The following MAML3 variants were observed in gnomAD, a reference collection of about 807,000 sequenced individuals.
The protein encoded by MAML3 is mastermind-like protein 3.
Under a neutral mutation model 101.9 loss-of-function variants are expected in MAML3, and 27 were observed. That is an observed-to-expected ratio of 0.27 (90% CI 0.20 to 0.37). MAML3 has a LOEUF of 0.37. MAML3 is among the 10% of genes least tolerant of loss of function. MAML3 has a pLI of 1.00. For missense variants in MAML3, 1,316 were observed against 1,444.9 expected (o/e 0.91, Z 1.45); for synonymous variants, 501 against 555.9 (o/e 0.90, Z 1.39).
intron 1 of MAML3, among the ~76,000 whole-genome samples, chr4:139,949,819 A>C (rs183268727): frequency 1.5e-3 from 236 of 152,288 alleles, no homozygotes; most frequent in Non-Finnish European, 2.5e-3. Flanking sequence ...ATACCAATAT[A>C]GATGTTGCTA....
At chr4:140,027,025 G>C (rs1726837084) in intron 1 of MAML3, among the ~76,000 whole-genome samples, 2 of 150,862 alleles carry the variant, frequency 1.3e-5, no homozygotes, top group Non-Finnish European at 2.9e-5. Flanking sequence ...GTACCTAGTA[G>C]TTTACCTTAA....
Position 140,036,649 on chromosome 4 carries a change from C to T in MAML3, c.468+116211G>A, listed in dbSNP as rs561133959. On this transcript the variant is annotated intron_variant, in intron 1 of 4. Coordinates refer to ENST00000509479, the MANE Select transcript of MAML3 (RefSeq NM_018717.5). ...AGAAGAACAGCTGCCTATTTTCTACCTCAACCACGGCCAATTTTGTGCTCC... is the reference window on the plus strand; with the variant it reads ...AGAAGAACAGCTGCCTATTTTCTACTTCAACCACGGCCAATTTTGTGCTCC... Among the ~76,000 whole-genome samples, 2 of 152,288 alleles carry T rather than the reference C, an allele frequency of 1.3e-5. 1 individual carries two copies. Among genetic ancestry groups the T allele is most frequent in the South Asian group, 4.1e-4 (2 of 4,820 alleles).
intron 1 of MAML3, among the ~76,000 whole-genome samples, chr4:140,106,122 A>G (rs1411760875): frequency 6.7e-6 from 1 of 149,442 alleles, no homozygotes; most frequent in African/African-American, 2.5e-5. Context: ...CAAGAAAAAA[A>G]AAAAAAAAAA....
intron 1 of MAML3, among the ~76,000 whole-genome samples, chr4:140,058,298 C>G (rs1727387589): frequency 6.6e-6 from 1 of 151,556 alleles, no homozygotes; most frequent in South Asian, 2.1e-4. Flanking sequence ...GTCTATGTTG[C>G]CCAGGCTGGT....
chr4:139,981,124 A>G (rs553321860), intron 1 of MAML3, among the ~76,000 whole-genome samples: 1 of 152,350 alleles, frequency 6.6e-6, no homozygotes, highest in African/African-American at 2.4e-5. Context: ...GGAGTCTGGA[A>G]GCCCAAGATC....
chr4:139,959,831 T>G (rs1733979803), intron 1 of MAML3, among the ~76,000 whole-genome samples: 1 of 152,254 alleles, frequency 6.6e-6, no homozygotes, highest in Non-Finnish European at 1.5e-5. Context: ...AGTAGAACTT[T>G]TTAAGGTCAT....
chr4:139,909,592 C>T (rs535006617), intron 1 of MAML3, among the ~76,000 whole-genome samples: 1 of 152,164 alleles, frequency 6.6e-6, no homozygotes, highest in East Asian at 1.9e-4. Flanking sequence ...CACCTGTAAT[C>T]CCAGCACTTG....
chr4:139,719,059 T>C lies in MAML3; in HGVS notation c.*264A>G. The C allele has an allele frequency of 2.3e-6, 1 of 440,320 alleles. No homozygotes were observed. The highest frequency in any genetic ancestry group is 4.0e-6 in the Non-Finnish European group (1 of 249,312). The allele number at this position is 440,320 out of a possible 1,614,324, so 27.3% of individuals were successfully genotyped here. ...AGAGGGGCTCTGGCCGGCTTCATCT[T>C]CCCACCTGCTCCTCCGGGTGTCTCC... On this transcript the variant is annotated 3_prime_UTR_variant, in exon 5 of 5. Coordinates refer to ENST00000509479, the MANE Select transcript of MAML3 (RefSeq NM_018717.5).
chr4:139,979,824 T>C (rs191185611), intron 1 of MAML3, among the ~76,000 whole-genome samples: 418 of 152,282 alleles, frequency 2.7e-3, no homozygotes, highest in Middle Eastern at 0.02. Flanking sequence ...TCTAGAACTG[T>C]GAGAAAACAA....
At chr4:140,013,726 G>T (rs776225384) in intron 1 of MAML3, among the ~76,000 whole-genome samples, 2 of 152,212 alleles carry the variant, frequency 1.3e-5, no homozygotes, top group Non-Finnish European at 2.9e-5. Flanking sequence ...CATTTCTGGA[G>T]CATGAGCTCT....
At chr4:139,823,265 A>G (rs1731005778) in intron 2 of MAML3, among the ~76,000 whole-genome samples, 1 of 152,236 alleles carries the variant, frequency 6.6e-6, no homozygotes, top group Admixed American at 6.5e-5. Context: ...ACAAAGGCAG[A>G]AAGAAACCCA....
intron 1 of MAML3, among the ~76,000 whole-genome samples, chr4:140,091,944 T>C (rs1198659816): frequency 6.6e-6 from 1 of 151,424 alleles, no homozygotes; most frequent in Non-Finnish European, 1.5e-5. Flanking sequence ...TTTTATTTAT[T>C]TCCTATCTAT....
At chr4:139,996,035 C>A (rs2110835941) in intron 1 of MAML3, among the ~76,000 whole-genome samples, 1 of 152,056 alleles carries the variant, frequency 6.6e-6, no homozygotes, top group East Asian at 1.9e-4. Context: ...TTCTTTTACT[C>A]ATGGGTTATT....
intron 1 of MAML3, among the ~76,000 whole-genome samples, chr4:140,098,729 C>T (rs533135101): frequency 1.3e-5 from 2 of 152,366 alleles, no homozygotes; most frequent in Non-Finnish European, 2.9e-5. Context: ...TGGTCTGCAT[C>T]GGGCTATTCA....
chr4:139,838,278 T>C (rs1731295482), intron 2 of MAML3, among the ~76,000 whole-genome samples: 1 of 152,182 alleles, frequency 6.6e-6, no homozygotes, highest in Admixed American at 6.5e-5. Context: ...CTACAGTTAA[T>C]TTTCGACCAG....
chr4:139,756,954 T>G (rs1337795244), intron 2 of MAML3, among the ~76,000 whole-genome samples: 1 of 152,132 alleles, frequency 6.6e-6, no homozygotes, highest in Non-Finnish European at 1.5e-5. Flanking sequence ...AAGCGCATTA[T>G]CACAGCCAAC....
chr4:139,909,910 C>G (rs1455235030), intron 1 of MAML3, among the ~76,000 whole-genome samples: 3 of 143,820 alleles, frequency 2.1e-5, no homozygotes, highest in Non-Finnish European at 4.5e-5. Flanking sequence ...TCTGCCTGAA[C>G]AATATATAAG....
At chr4:140,137,614 T>C (rs1005465499) in intron 1 of MAML3, among the ~76,000 whole-genome samples, 34 of 152,220 alleles carry the variant, frequency 2.2e-4, no homozygotes, top group African/African-American at 8.0e-4. Flanking sequence ...AAGGAAAAGA[T>C]AGACATAAAT....
chr4:139,752,513 T>C (rs1214754260), intron 2 of MAML3, among the ~76,000 whole-genome samples: 2 of 152,076 alleles, frequency 1.3e-5, no homozygotes, highest in Non-Finnish European at 2.9e-5. Flanking sequence ...ACCGTCTTCT[T>C]TGGGGTCAAA....
Sources: allele counts gnomAD v4.1 joint callset (sites outside exome capture counted in the v4.1 genomes callset), GRCh38; gene constraint gnomAD v4.1.1; transcripts MANE v1.5; gene names NCBI Gene and HGNC (gene_info 2026-07-23, HGNC 2026-07-21).